SRPK1: variants seen among roughly 807,000 people sequenced by gnomAD.
The protein encoded by SRPK1 is SRSF protein kinase 1.
Under a neutral mutation model 89.5 loss-of-function variants are expected in SRPK1, and 52 were observed. The observed-to-expected ratio is 0.58, with a 90% CI of 0.46 to 0.73. The LOEUF (loss-of-function observed/expected upper bound fraction) is 0.73, where lower values mean the gene tolerates loss of function less well. SRPK1 is among the 30% of genes least tolerant of loss of function. The pLI, the probability that SRPK1 is intolerant of heterozygous loss-of-function variation, is 0.00. For synonymous variants in SRPK1, 255 were observed against 270.2 expected (o/e 0.94, Z 0.55); for missense variants, 603 against 780.6 (o/e 0.77, Z 2.71).
At chr6:35,835,526 C>A in intron 15 of SRPK1, 38 bp from the exon 16 acceptor site, 2 of 1,559,188 alleles carry the variant, frequency 1.3e-6, no homozygotes, top group Admixed American at 1.9e-5. Context: ...CACTGATCAA[C>A]ACAGACAAAT....
Position 35,920,463 on chromosome 6 carries a change from C to G in SRPK1, c.74+5G>C. The stretch of plus-strand genomic sequence containing the variant: ...AAGAATGGGATGTTGGGGTACAAGA[C>G]TCACTTCCTTTGGGCTTTGTCCTTC... On this transcript the variant is annotated splice_donor_5th_base_variant and intron_variant, in intron 2 of 15. Transcript: ENST00000373825. 6.2e-7 allele frequency: 1 copy of G among 1,613,164 alleles called. No individual in the cohort carries two copies. The highest frequency in any genetic ancestry group is 8.5e-7 in the Non-Finnish European group (1 of 1,179,300).
chr6:35,876,750 C>G (rs1770163970), intron 6 of SRPK1, among the ~76,000 whole-genome samples: 1 of 152,128 alleles, frequency 6.6e-6, no homozygotes, highest in Non-Finnish European at 1.5e-5. Flanking sequence ...TCAAACAGAC[C>G]AAATACAAAA....
At chr6:35,865,196 C>T (rs1023837044) in intron 12 of SRPK1, among the ~76,000 whole-genome samples, 33 of 151,952 alleles carry the variant, frequency 2.2e-4, no homozygotes, top group African/African-American at 7.0e-4. Context: ...ATTGGATTGT[C>T]GTAACACAAA....
At position 35,833,424 on chromosome 6, in the gene SRPK1, C is replaced by G. The variant is rs928064394; in HGVS notation, c.*1880G>C. On this transcript the variant is annotated 3_prime_UTR_variant, in exon 16 of 16. Coordinates refer to ENST00000373825, the MANE Select transcript of SRPK1 (RefSeq NM_003137.5). ...TAATATCACCAGAATTCCTGTAATT[C>G]CACAATTGTGATTTTACTATGTAGA... 6.6e-5 allele frequency: 10 copies of G among 152,272 alleles called. No individual in the cohort carries two copies. Among genetic ancestry groups the G allele is most frequent in the Non-Finnish European group, 1.5e-4 (10 of 68,032 alleles). The allele number at this position is 152,272 out of a possible 1,614,324, so 9.4% of individuals were successfully genotyped here.
At chr6:35,870,252 C>T in intron 10 of SRPK1, 29 bp downstream of exon 10, 1 of 1,585,708 alleles carries the variant, frequency 6.3e-7, no homozygotes, top group African/African-American at 1.3e-5. Flanking sequence ...GTGTGTTGTA[C>T]AGTAATTTTC....
intron 13 of SRPK1, 113 bp from the exon 14 acceptor site, chr6:35,842,717 T>C (rs954762537): frequency 4.0e-5 from 21 of 530,144 alleles, no homozygotes; most frequent in Middle Eastern, 4.2e-4. Flanking sequence ...GGAAAACTTA[T>C]AGATCATTTA....
rs565727132 is a variant in SRPK1, at chr6:35,883,173, C to T, written c.478+3551G>A. ...GTGGCTCATGCCTTCAATCCCAGCA[C>T]TTTGGGAGGCTGTGGCAGGTGGATC... On this transcript the variant is annotated intron_variant, in intron 6 of 15. Coordinates refer to ENST00000373825, the MANE Select transcript of SRPK1 (RefSeq NM_003137.5). 1.1e-4 allele frequency among the ~76,000 whole-genome samples: 17 copies of T among 152,216 alleles called. 1 individual carries two copies. In the South Asian group the frequency reaches 3.3e-3, roughly 30 times the overall value.
chr6:35,854,589 A>G (rs529740305), intron 13 of SRPK1, among the ~76,000 whole-genome samples: 1 of 152,316 alleles, frequency 6.6e-6, no homozygotes, highest in South Asian at 2.1e-4. Context: ...GAGTGGGTCC[A>G]GAACTATGAG....
chr6:35,842,466 C>A, intron 14 of SRPK1, 69 bp downstream of exon 14: 1 of 1,283,776 alleles, frequency 7.8e-7, no homozygotes, highest in Admixed American at 2.2e-5. Flanking sequence ...TCGGTACTAA[C>A]AAATGATGTT....
At chr6:35,873,687 G>A (rs1348180014) in intron 7 of SRPK1, among the ~76,000 whole-genome samples, 1 of 151,444 alleles carries the variant, frequency 6.6e-6, no homozygotes, top group Non-Finnish European at 1.5e-5. Context: ...ACGGGGTTTC[G>A]CACTGTTGGC....
At chr6:35,895,163 A>T (rs1455309328) in intron 2 of SRPK1, among the ~76,000 whole-genome samples, 2 of 152,204 alleles carry the variant, frequency 1.3e-5, no homozygotes, top group Admixed American at 1.3e-4. Context: ...AACAAAATCT[A>T]AACAAAAAAA....
chr6:35,861,638 G>C (rs950997056), intron 12 of SRPK1, among the ~76,000 whole-genome samples: 35 of 152,184 alleles, frequency 2.3e-4, no homozygotes, highest in African/African-American at 8.2e-4. Flanking sequence ...GACCCTCCCC[G>C]CTCTGGTCCC....
intron 2 of SRPK1, among the ~76,000 whole-genome samples, chr6:35,902,555 A>G (rs1770766712): frequency 6.6e-6 from 1 of 152,236 alleles, no homozygotes; most frequent in South Asian, 2.1e-4. Flanking sequence ...GTACTGGGCT[A>G]GGCACTCAAT....
chr6:35,851,954 TAA>T (rs2151082461), intron 13 of SRPK1, among the ~76,000 whole-genome samples: 1 of 152,318 alleles, frequency 6.6e-6, no homozygotes, highest in East Asian at 1.9e-4. Flanking sequence ...AAAGCATGCC[TAA>T]AATAAATATG....
At chr6:35,890,856 A>C in intron 3 of SRPK1, 39 bp downstream of exon 3, 1 of 1,497,276 alleles carries the variant, frequency 6.7e-7, no homozygotes, top group South Asian at 1.3e-5. Flanking sequence ...TTGCAAATAG[A>C]TGGCTCATGT....
chr6:35,880,733 AAG>A (rs1561983657), intron 6 of SRPK1, among the ~76,000 whole-genome samples: 2 of 56,582 alleles, frequency 3.5e-5, no homozygotes, highest in Admixed American at 2.8e-4. Flanking sequence ...AAAAAAAAAA[AAG>A]AAAAAAAAAA....
intron 2 of SRPK1, among the ~76,000 whole-genome samples, chr6:35,909,397 A>C (rs1485120482): frequency 6.6e-6 from 1 of 152,234 alleles, no homozygotes; most frequent in Non-Finnish European, 1.5e-5. Flanking sequence ...CAATGCCTGT[A>C]TCCCCATTGT....
At chr6:35,885,717 CTAAG>C (rs1267037187) in intron 6 of SRPK1, among the ~76,000 whole-genome samples, 3 of 152,168 alleles carry the variant, frequency 2.0e-5, no homozygotes, top group East Asian at 3.8e-4. Flanking sequence ...TTTATCCAAT[CTAAG>C]TAAGATTCGA....
chr6:35,902,108 T>C (rs1770755039), intron 2 of SRPK1, among the ~76,000 whole-genome samples: 1 of 151,630 alleles, frequency 6.6e-6, no homozygotes, highest in African/African-American at 2.4e-5. Context: ...ACACTAATAG[T>C]ATTAAGAAAT....
Sources: gnomAD v4.1 joint callset for allele counts (sites outside exome capture counted in the v4.1 genomes callset) on GRCh38, gnomAD v4.1.1 for gene constraint, MANE v1.5 for transcripts, NCBI Gene and HGNC (gene_info 2026-07-23, HGNC 2026-07-21) for gene names.